Variants in ARL6IP6 observed in about 807,000 individuals in gnomAD.
ARL6IP6 encodes the protein ARF like GTPase 6 interacting protein 6, also known as ADP-ribosylation factor-like protein 6-interacting protein 6.
In ARL6IP6, 22 loss-of-function variants were observed where a neutral mutation model predicts 21.5. The ratio of observed to expected loss-of-function variants is 1.02; its 90% CI spans 0.73 to 1.46. The LOEUF (loss-of-function observed/expected upper bound fraction) is 1.46, where lower values mean the gene tolerates loss of function less well. Among genes scored for constraint, ARL6IP6 ranks in the 40% most tolerant of loss-of-function variants. The probability of loss-of-function intolerance (pLI) is 0.00; values close to 1 mark genes in which losing one functional copy is unlikely to be tolerated. For missense variants in ARL6IP6, 388 were observed against 299.8 expected (o/e 1.29, Z -2.17); for synonymous variants, 164 against 125.3 (o/e 1.31, Z -2.06).
At chr2:152,729,197 C>T (rs1199845661) in intron 2 of ARL6IP6, among the ~76,000 whole-genome samples, 1 of 152,136 alleles carries the variant, frequency 6.6e-6, no homozygotes, top group African/African-American at 2.4e-5. Context: ...TGGTGAAACC[C>T]TGTGTCTACT....
At chr2:152,718,555 G>A (rs1699372703), upstream of ARL6IP6, 10 of 1,486,008 alleles carry the variant, frequency 6.7e-6, no homozygotes, top group Admixed American at 2.4e-4. Context: ...CCGCGGATTG[G>A]CTGTTGCGGA....
intron 2 of ARL6IP6, among the ~76,000 whole-genome samples, chr2:152,724,885 C>T (rs1699965027): frequency 8.3e-6 from 1 of 119,860 alleles, no homozygotes; most frequent in South Asian, 2.7e-4. Context: ...CTAGTAGTTC[C>T]CAAACCTGAC....
chr2:152,756,960 G>A (rs563417564), intron 3 of ARL6IP6, among the ~76,000 whole-genome samples: 3 of 152,168 alleles, frequency 2.0e-5, no homozygotes, highest in South Asian at 4.2e-4. Flanking sequence ...CACCGAAGAC[G>A]TGTTCATAGT....
In ARL6IP6 at chr2:152,761,658, T is replaced by G. The variant is rs554351517; in HGVS notation, c.*1818T>G. Among the ~76,000 whole-genome samples, 1 of 152,322 alleles carries G rather than the reference T, an allele frequency of 6.6e-6. No individual in the cohort carries two copies. The highest frequency in any genetic ancestry group is 1.9e-4 in the East Asian group (1 of 5,182). On this transcript the variant is annotated 3_prime_UTR_variant, in exon 4 of 4. Transcript: ENST00000326446. ...TACTGCTGCATTTTTTACTTTATTT[T>G]TTCTCTGTTTAGATACACAAATATT...
rs116637309 is a variant in ARL6IP6, at chr2:152,752,348, A to G, written c.588-7399A>G. ...AAAACTGAAACCAAGCCTGGGCAAC[A>G]TGGCAAAACCGTATCTCTACAAAAA... is the stretch of plus-strand genomic sequence containing the variant. On this transcript the variant is annotated intron_variant, in intron 3 of 3. Coordinates refer to ENST00000326446, the MANE Select transcript of ARL6IP6 (RefSeq NM_152522.7). 4.8e-3 allele frequency among the ~76,000 whole-genome samples: 726 copies of G among 152,308 alleles called. 4 individuals carry two copies. The highest frequency in any genetic ancestry group is 0.016 in the African/African-American group (674 of 41,570).
intron 2 of ARL6IP6, among the ~76,000 whole-genome samples, chr2:152,729,415 GAGA>G (rs1301036473): frequency 6.6e-6 from 1 of 152,202 alleles, no homozygotes; most frequent in Non-Finnish European, 1.5e-5. Flanking sequence ...TTGAGCTGTA[GAGA>G]AGAACGAAGG....
At chr2:152,727,971 A>G (rs1031181650) in intron 2 of ARL6IP6, among the ~76,000 whole-genome samples, 1 of 152,204 alleles carries the variant, frequency 6.6e-6, no homozygotes, top group African/African-American at 2.4e-5. Flanking sequence ...TCCAACAATT[A>G]AAGCAAAGGC....
intron 3 of ARL6IP6, among the ~76,000 whole-genome samples, chr2:152,739,705 G>A (rs1700720095): frequency 1.3e-5 from 2 of 152,078 alleles, no homozygotes; most frequent in South Asian, 2.1e-4. Context: ...CGCTCTACCG[G>A]TACCAATTTA....
chr2:152,756,722 C>T (rs1174540167), intron 3 of ARL6IP6, among the ~76,000 whole-genome samples: 2 of 152,132 alleles, frequency 1.3e-5, no homozygotes, highest in East Asian at 1.9e-4. Context: ...AAAACCACTA[C>T]AACATACTCT....
At chr2:152,751,252 C>T (rs1426725074) in intron 3 of ARL6IP6, among the ~76,000 whole-genome samples, 1 of 152,150 alleles carries the variant, frequency 6.6e-6, no homozygotes, top group East Asian at 1.9e-4. Flanking sequence ...TAGTGGAATA[C>T]AGAATGAATG....
chr2:152,735,331 T>G (rs1013198163), intron 3 of ARL6IP6, among the ~76,000 whole-genome samples: 2 of 152,126 alleles, frequency 1.3e-5, no homozygotes, highest in African/African-American at 4.8e-5. Flanking sequence ...ATAATGCTTT[T>G]TTTTCTAAAA....
At chr2:152,754,561 G>A (rs1701490051) in intron 3 of ARL6IP6, among the ~76,000 whole-genome samples, 1 of 152,030 alleles carries the variant, frequency 6.6e-6, no homozygotes, top group Admixed American at 6.5e-5. Flanking sequence ...CTTGTTTTCA[G>A]TTTTCTTGGA....
intron 2 of ARL6IP6, among the ~76,000 whole-genome samples, chr2:152,726,746 T>G (rs1198872311): frequency 6.6e-6 from 1 of 152,230 alleles, no homozygotes; most frequent in African/African-American, 2.4e-5. Context: ...CATATATGCC[T>G]GTATGATGGT....
intron 3 of ARL6IP6, among the ~76,000 whole-genome samples, chr2:152,739,001 G>C (rs1482934963): frequency 6.7e-6 from 1 of 150,062 alleles, no homozygotes; most frequent in Non-Finnish European, 1.5e-5. Flanking sequence ...TTTTTTTTGG[G>C]AGATGGAGTC....
At chr2:152,746,821 C>CTTTTTTTTTTTTTTTTTTTTTTTTTTTT (rs61506535) in intron 3 of ARL6IP6, among the ~76,000 whole-genome samples, 4 of 33,082 alleles carry the variant, frequency 1.2e-4, no homozygotes, top group African/African-American at 2.8e-4. Context: ...TTTATCCTTT[C>CTTTTTTTTTTTTTTTTTTTTTTTTTTTT]TTTTTTTTTT....
intron 3 of ARL6IP6, among the ~76,000 whole-genome samples, chr2:152,739,221 G>A (rs370747847): frequency 2.0e-5 from 3 of 151,982 alleles, no homozygotes; most frequent in African/African-American, 2.4e-5. Flanking sequence ...TCCTGACCTC[G>A]TGATCCGCCC....
In ARL6IP6 at chr2:152,718,940, G is replaced by A; in HGVS notation, c.316G>A (p.Val106Ile). 6.2e-7 allele frequency: 1 copy of A among 1,613,508 alleles called. No homozygotes were observed. Among genetic ancestry groups the A allele is most frequent in the Non-Finnish European group, 8.5e-7 (1 of 1,179,740 alleles). The change falls in exon 1 of 4, where the codon GTC (valine) becomes ATC (isoleucine). Residue 106 changes from valine to isoleucine, a missense_variant. Coordinates refer to ENST00000326446, the MANE Select transcript of ARL6IP6 (RefSeq NM_152522.7). ...GSRAQPRRWP[V>I]QVLSILCSLL... Reference sequence around the variant, plus strand: ...CAGAGCCCAGCCTCGGCGGTGGCCGGTCCAGGTCCTCTCTATTCTCTGCTC... The same window carrying A: ...CAGAGCCCAGCCTCGGCGGTGGCCGATCCAGGTCCTCTCTATTCTCTGCTC...
intron 2 of ARL6IP6, among the ~76,000 whole-genome samples, chr2:152,728,385 G>T (rs1270464647): frequency 1.3e-4 from 19 of 151,984 alleles, no homozygotes; most frequent in African/African-American, 4.3e-4. Context: ...TGAGAGTTTT[G>T]TTTTTTTCTG....
intron 1 of ARL6IP6, 50 bp downstream of exon 1, chr2:152,719,074 G>C: frequency 6.8e-7 from 1 of 1,461,826 alleles, no homozygotes; most frequent in Non-Finnish European, 9.0e-7. Flanking sequence ...GTTGAGCCAG[G>C]GTGTGGCTCT....
Sources: gnomAD v4.1 joint callset for allele counts (sites outside exome capture counted in the v4.1 genomes callset) on GRCh38, gnomAD v4.1.1 for gene constraint, MANE v1.5 for transcripts, NCBI Gene and HGNC (gene_info 2026-07-23, HGNC 2026-07-21) for gene names.